The following GYG2 variants were observed in gnomAD, a reference collection of about 807,000 sequenced individuals.
GYG2 encodes the protein glycogenin-2.
A neutral mutation model predicts 29.4 loss-of-function variants in GYG2; 29 were observed. That is an observed-to-expected ratio of 0.99 (90% confidence interval 0.74 to 1.35). The LOEUF is 1.35. Ranked by LOEUF, GYG2 falls within the 40% of genes most tolerant of loss-of-function variation. The probability of loss-of-function intolerance (pLI) is 0.00; values close to 1 mark genes in which losing one functional copy is unlikely to be tolerated. For missense variants in GYG2, 370 were observed against 385.7 expected (o/e 0.96, Z 0.34); for synonymous variants, 167 against 172.3 (o/e 0.97, Z 0.24).
intron 8 of GYG2, among the ~76,000 whole-genome samples, chrX:2,868,372 G>A (rs1004412973): frequency 3.3e-4 from 34 of 103,614 alleles, no homozygotes; most frequent in African/African-American, 1.1e-3. Context: ...GCCGGAAATC[G>A]CTTGAACCCG....
At chrX:2,878,082 A>C (rs2088639957) in intron 10 of GYG2, 1 of 746,332 alleles carries the variant, frequency 1.3e-6, no homozygotes, top group South Asian at 6.9e-5. Flanking sequence ...GTTGAGGTCC[A>C]GGTTTCTTAT....
intron 2 of GYG2, among the ~76,000 whole-genome samples, chrX:2,841,766 C>T (rs775618300): frequency 9.0e-6 from 1 of 111,714 alleles, no homozygotes; most frequent in South Asian, 3.8e-4. Context: ...GCGCTGTGGT[C>T]GCCTACATGC....
At chrX:2,873,587 T>A (rs1376115827) in intron 8 of GYG2, among the ~76,000 whole-genome samples, 1 of 111,078 alleles carries the variant, frequency 9.0e-6, no homozygotes, top group Non-Finnish European at 1.9e-5. Flanking sequence ...TGAGAACACA[T>A]AAGATCTACT....
chrX:2,865,661 G>A lies in GYG2; in HGVS notation c.1038+3939G>A, dbSNP rs143465849. On this transcript the variant is annotated intron_variant, in intron 8 of 10. Transcript: ENST00000398806. The stretch of plus-strand genomic sequence containing the variant: ...ATCATCCTGCCTTGATGCCCAAGGA[G>A]GTAAGCAAGGACACAAAAGCACGCT... 3.2e-4 allele frequency among the ~76,000 whole-genome samples: 36 copies of A among 111,310 alleles called. No individual in the cohort carries two copies. The East Asian group carries it at 4.8e-3, about 15-fold the overall frequency.
At chrX:2,846,224 G>A (rs1462469380) in intron 3 of GYG2, among the ~76,000 whole-genome samples, 1 of 101,342 alleles carries the variant, frequency 9.9e-6, no homozygotes, top group Non-Finnish European at 2.0e-5. Flanking sequence ...CCAACATCAC[G>A]CCCGGCTAAT....
intron 2 of GYG2, among the ~76,000 whole-genome samples, chrX:2,836,005 G>T (rs1374419123): frequency 9.0e-6 from 1 of 110,533 alleles, no homozygotes; most frequent in Admixed American, 9.7e-5. Flanking sequence ...TTTTTCCATG[G>T]CCACCATGTG....
rs1286134408 is a variant in GYG2 at position 2,846,105 on chromosome X, C to T, written c.149+2751C>T. 1.1e-4 allele frequency among the ~76,000 whole-genome samples: 8 copies of T among 72,632 alleles called. No homozygotes were observed. The East Asian group carries it at 1.3e-3, about 12-fold the overall frequency. The allele number at this position is 72,632 out of a possible 115,157, so 63.1% of individuals were successfully genotyped here. ...TTTTTGAGACAGAGTCTCACTCTGT[C>T]GTCCAAGCTGGAGTGCCATGGCGCG... is the stretch of plus-strand genomic sequence containing the variant. On this transcript the variant is annotated intron_variant, in intron 3 of 10. Coordinates refer to ENST00000398806, the MANE Select transcript of GYG2 (RefSeq NM_001079855.2).
Position 2,854,123 on chromosome X carries a change from G to A in GYG2, c.293G>A (p.Ser98Asn), listed in dbSNP as rs1439322735. 8.3e-7 allele frequency: 1 copy of A among 1,199,451 alleles called. No homozygotes were observed. Among genetic ancestry groups the A allele is most frequent in the Non-Finnish European group, 1.1e-6 (1 of 888,225 alleles). The stretch of plus-strand genomic sequence containing the variant: ...CACTGTTGGACTCTCACTCACTACA[G>A]CAAGTGTGTCTTCCTGGATGCAGAC... ...KLHCWTLTHYSKCVFLDADTL... is the reference protein window; with the variant it reads ...KLHCWTLTHYNKCVFLDADTL... Residue 98 changes from serine (S) to asparagine (N), a missense_variant, in exon 4 of 11, where the codon AGC becomes AAC. By Grantham distance (46) the Ser-to-Asn change is conservative. Transcript: ENST00000398806.
In GYG2 at chrX:2,856,589, T is replaced by A; in HGVS notation, c.579T>A (p.Ser193Arg). The change falls in exon 6 of 11, where the codon AGT becomes AGA. Residue 193 changes from serine (S) to arginine (R), a missense_variant. Ser to Arg is a moderately radical substitution (Grantham distance 110). Transcript: ENST00000398806. ...TGCCGTTCATCTATAACTTGAGTAGTAACACGATGTACACTTACAGCCCTG... is the reference window on the plus strand; with the variant it reads ...TGCCGTTCATCTATAACTTGAGTAGAAACACGATGTACACTTACAGCCCTG... ...KHLPFIYNLS[S>R]NTMYTYSPAF... is the part of the protein sequence containing the mutation. The A allele has an allele frequency of 8.3e-7, 1 of 1,205,492 alleles. No individual in the cohort carries two copies. The highest frequency in any genetic ancestry group is 1.1e-6 in the Non-Finnish European group (1 of 890,724).
At chrX:2,864,423 A>G (rs2088248499) in intron 8 of GYG2, among the ~76,000 whole-genome samples, 2 of 108,588 alleles carry the variant, frequency 1.8e-5, no homozygotes, top group South Asian at 4.1e-4. Context: ...GTCTTTCCAA[A>G]GGAGGCAATC....
At chrX:2,843,614 G>A (rs1325019476) in intron 3 of GYG2, among the ~76,000 whole-genome samples, 1 of 111,850 alleles carries the variant, frequency 8.9e-6, no homozygotes, top group Non-Finnish European at 1.9e-5. Context: ...CATGGAAACT[G>A]AAAATTCAAT....
At chrX:2,868,283 A>T (rs893173103) in intron 8 of GYG2, among the ~76,000 whole-genome samples, 4 of 107,874 alleles carry the variant, frequency 3.7e-5, no homozygotes, top group Admixed American at 1.0e-4. Flanking sequence ...TGAGGCAGGC[A>T]GTTCACTTGA....
intron 4 of GYG2, 23 bp downstream of exon 4, chrX:2,854,177 A>G (rs777254468): frequency 9.1e-7 from 1 of 1,101,881 alleles, no homozygotes; most frequent in South Asian, 2.0e-5. Flanking sequence ...TCTCTGCTTG[A>G]TAGGAAACCC....
chrX:2,872,417 G>C (rs1012396429), intron 8 of GYG2, among the ~76,000 whole-genome samples: 1 of 112,165 alleles, frequency 8.9e-6, no homozygotes, highest in Non-Finnish European at 1.9e-5. Context: ...ATTCATAAAA[G>C]TTGGTTTATG....
intron 10 of GYG2, among the ~76,000 whole-genome samples, chrX:2,879,153 G>A (rs2088660988): frequency 9.0e-6 from 1 of 111,029 alleles, no homozygotes; most frequent in South Asian, 3.8e-4. Context: ...AAACACTGCG[G>A]CAAGTAATTA....
chrX:2,831,641 A>T lies in GYG2; in HGVS notation c.7+1446A>T, dbSNP rs2087265884. ...CCCCAAGCCTGCTAGGGTCTGTATA[A>T]TAGCAGCATTCAAGACGGACATTCG... On this transcript the variant is annotated intron_variant, in intron 2 of 10. Coordinates refer to ENST00000398806, the MANE Select transcript of GYG2 (RefSeq NM_001079855.2). 3.6e-5 allele frequency among the ~76,000 whole-genome samples: 4 copies of T among 112,012 alleles called. No individual in the cohort carries two copies. In the East Asian group the frequency reaches 1.1e-3, roughly 31 times the overall value.
At chrX:2,868,170 A>G (rs2088346579) in intron 8 of GYG2, among the ~76,000 whole-genome samples, 1 of 111,087 alleles carries the variant, frequency 9.0e-6, no homozygotes, top group Non-Finnish European at 1.9e-5. Context: ...TGACTGCAAC[A>G]CAGATACGAA....
At chrX:2,829,042 G>C (rs995286841) in intron 1 of GYG2, 67 bp downstream of exon 1, 1 of 107,746 alleles carries the variant, frequency 9.3e-6, no homozygotes, top group Non-Finnish European at 1.9e-5. Flanking sequence ...GCGGCGGGGG[G>C]CCGGGGGGCG....
intron 7 of GYG2, 62 bp downstream of exon 7, chrX:2,860,127 G>A (rs750861457): frequency 1.4e-6 from 1 of 712,251 alleles, no homozygotes; most frequent in South Asian, 2.9e-5. Context: ...TTGTCACCAA[G>A]GTCTGGCGTG....
Sources: allele counts gnomAD v4.1 joint callset (sites outside exome capture counted in the v4.1 genomes callset), GRCh38; gene constraint gnomAD v4.1.1; transcripts MANE v1.5; gene names NCBI Gene and HGNC (gene_info 2026-07-23, HGNC 2026-07-21).